Variants in DOCK1 observed in about 807,000 individuals in gnomAD.
DOCK1 encodes dedicator of cytokinesis protein 1.
In DOCK1, 138 loss-of-function variants were observed where a neutral mutation model predicts 262.7. That is an observed-to-expected ratio of 0.53 (90% CI 0.46 to 0.61). The LOEUF is 0.61. Ranked by LOEUF, DOCK1 falls within the 20% of genes least tolerant of loss-of-function variation. The pLI, the probability that DOCK1 is intolerant of heterozygous loss-of-function variation, is 0.00. For missense variants in DOCK1, 1,908 were observed against 2,370.7 expected (o/e 0.80, Z 4.05); for synonymous variants, 866 against 867.4 (o/e 1.00, Z 0.03).
At chr10:127,267,654 A>T (rs1034471726) in intron 29 of DOCK1, among the ~76,000 whole-genome samples, 3 of 152,226 alleles carry the variant, frequency 2.0e-5, no homozygotes, top group African/African-American at 7.2e-5. Context: ...GCTGGTACTG[A>T]TGCCGCATCC....
chr10:127,430,240 C>T (rs1314822710), intron 47 of DOCK1, among the ~76,000 whole-genome samples: 1 of 152,204 alleles, frequency 6.6e-6, no homozygotes, highest in Non-Finnish European at 1.5e-5. Context: ...TCCAGGATTT[C>T]TCCTCTCTCG....
At chr10:127,158,285 AAAAACTT>A (rs1389175216) in intron 27 of DOCK1, among the ~76,000 whole-genome samples, 32 of 152,224 alleles carry the variant, frequency 2.1e-4, no homozygotes, top group African/African-American at 7.7e-4. Flanking sequence ...AGAACAACCT[AAAAACTT>A]TAAACTGCTA....
chr10:127,409,405 T>C lies in DOCK1; in HGVS notation c.4343+14T>C. The C allele has an allele frequency of 3.1e-6, 5 of 1,613,570 alleles. No homozygotes were observed. Among genetic ancestry groups the C allele is most frequent in the Non-Finnish European group, 1.7e-6 (2 of 1,179,508 alleles). The stretch of plus-strand genomic sequence containing the variant: ...GCAGATTGTAAGGTAATAATCCCAT[T>C]TTTCTTACCCAACGTGAGGGTTGTA... On this transcript the variant is annotated intron_variant, in intron 42 of 51. Transcript: ENST00000623213.
intron 1 of DOCK1, among the ~76,000 whole-genome samples, chr10:126,948,074 TG>T: frequency 7.9e-6 from 1 of 126,092 alleles, no homozygotes; most frequent in African/African-American, 3.1e-5. Flanking sequence ...GTATTACTGT[TG>T]GTGGTGATGG....
chr10:127,248,113 A>G lies in DOCK1; in HGVS notation c.2949+4A>G, dbSNP rs1291835187. ...GAAAATGAGGACTGATGTGGTAGTA[A>G]GTGTCCCTTTCACCCTGTTCACATA... On this transcript the variant is annotated splice_donor_region_variant and intron_variant, in intron 28 of 51. Transcript: ENST00000623213. 6.2e-7 allele frequency: 1 copy of G among 1,613,116 alleles called. No homozygotes were observed. The highest frequency in any genetic ancestry group is 1.3e-5 in the African/African-American group (1 of 75,054).
intron 12 of DOCK1, among the ~76,000 whole-genome samples, chr10:127,015,744 C>A (rs545756241): frequency 2.6e-5 from 4 of 152,148 alleles, no homozygotes; most frequent in Admixed American, 6.5e-5. Flanking sequence ...TAGGATCATG[C>A]GGTGGCCTCC....
rs2042876572 is a variant in DOCK1, at chr10:127,026,506, C to A, written c.1624+82C>A. 6.4e-6 allele frequency: 8 copies of A among 1,248,712 alleles called. No individual in the cohort carries two copies. In the East Asian group the frequency reaches 1.5e-4, roughly 24 times the overall value. The allele number at this position is 1,248,712 out of a possible 1,614,324, so 77.4% of individuals were successfully genotyped here. A position where few individuals can be genotyped will look rare whatever the true frequency, so the allele number is the denominator to read the frequency against. ...GCGCGAGAGGCCACTCTCAGTTGTT[C>A]TGGAACTCGCTATCATAACACAATA... On this transcript the variant is annotated intron_variant, in intron 16 of 51. Transcript: ENST00000623213.
intron 24 of DOCK1, 93 bp downstream of exon 24, chr10:127,106,394 C>A: frequency 7.4e-7 from 1 of 1,348,210 alleles, no homozygotes; most frequent in Non-Finnish European, 1.0e-6. Context: ...GGTTCTGCCT[C>A]ATGTCTCCAT....
intron 23 of DOCK1, among the ~76,000 whole-genome samples, chr10:127,072,463 G>T (rs1016596336): frequency 6.6e-6 from 1 of 152,192 alleles, no homozygotes; most frequent in Admixed American, 6.5e-5. Context: ...AATTATCATT[G>T]TGGATTGTAG....
At chr10:127,143,229 A>T (rs773797136) in intron 27 of DOCK1, among the ~76,000 whole-genome samples, 1 of 152,222 alleles carries the variant, frequency 6.6e-6, no homozygotes, top group Non-Finnish European at 1.5e-5. Flanking sequence ...AGTTAAAAGC[A>T]GGACAATCTG....
intron 11 of DOCK1, among the ~76,000 whole-genome samples, chr10:127,011,797 TA>T (rs202197591): frequency 6.6e-6 from 1 of 151,766 alleles, no homozygotes; most frequent in African/African-American, 2.4e-5. Context: ...TTTTTTTTTT[TA>T]AATCTTGATT....
At chr10:127,270,512 A>G (rs1232388802) in intron 29 of DOCK1, among the ~76,000 whole-genome samples, 4 of 152,176 alleles carry the variant, frequency 2.6e-5, no homozygotes, top group Non-Finnish European at 5.9e-5. Context: ...AGAAAATGCC[A>G]CATGGCTGAC....
Position 127,417,710 on chromosome 10 carries a change from G to A in DOCK1, c.4516-655G>A, listed in dbSNP as rs532295030. Among the ~76,000 whole-genome samples the A allele has an allele frequency of 2.2e-3, 331 of 152,202 alleles. 2 individuals carry two copies. Among genetic ancestry groups the A allele is most frequent in the African/African-American group, 7.6e-3 (316 of 41,530 alleles). ...CCTGCCTTAGCCTCCCGAGTAGCTG[G>A]GATTACAGGCATGCACCACCACACC... is the stretch of plus-strand genomic sequence containing the variant. On this transcript the variant is annotated intron_variant, in intron 44 of 51. Coordinates refer to ENST00000623213, the MANE Select transcript of DOCK1 (RefSeq NM_001290223.2).
chr10:127,261,211 A>G (rs143616328), intron 29 of DOCK1, among the ~76,000 whole-genome samples: 32 of 27,338 alleles, frequency 1.2e-3, no homozygotes, highest in East Asian at 1.6e-3. Flanking sequence ...GTGTACCTGC[A>G]TGTGTGTGCA....
chr10:127,031,070 T>C (rs1175439929), intron 16 of DOCK1, among the ~76,000 whole-genome samples: 1 of 152,186 alleles, frequency 6.6e-6, no homozygotes, highest in Non-Finnish European at 1.5e-5. Flanking sequence ...CAATTTCACA[T>C]TGGGGTCGTT....
chr10:126,972,468 C>T lies in DOCK1; in HGVS notation c.130+1683C>T, dbSNP rs529839574. ...TTATTGTTGTCGGCTTAATTTCCTG[C>T]TTGAAAGGGTGGTTCCCATATAGCA... On this transcript the variant is annotated intron_variant, in intron 2 of 51. Coordinates refer to ENST00000623213, the MANE Select transcript of DOCK1 (RefSeq NM_001290223.2). Among the ~76,000 whole-genome samples, 154 of 152,150 alleles carry T rather than the reference C, an allele frequency of 1.0e-3. 1 individual carries two copies. Among genetic ancestry groups the T allele is most frequent in the Admixed American group, 2.9e-3 (44 of 15,294 alleles).
intron 6 of DOCK1, 54 bp downstream of exon 6, chr10:126,990,657 C>T: frequency 1.9e-6 from 3 of 1,572,706 alleles, no homozygotes; most frequent in South Asian, 2.4e-5. Flanking sequence ...GTAATAACAT[C>T]ACTATAAGTC....
intron 51 of DOCK1, among the ~76,000 whole-genome samples, chr10:127,450,239 A>G (rs2070866560): frequency 6.6e-6 from 1 of 152,150 alleles, no homozygotes; most frequent in Admixed American, 6.5e-5. Flanking sequence ...CTAGTCTGTG[A>G]ATCAGGAGGA....
chr10:126,930,427 C>T (rs895444102), intron 1 of DOCK1, among the ~76,000 whole-genome samples: 8 of 152,244 alleles, frequency 5.3e-5, no homozygotes, highest in African/African-American at 7.2e-5. Context: ...GCCTGCACTA[C>T]GTGCTTCACT....
Sources: gnomAD v4.1 joint callset for allele counts (sites outside exome capture counted in the v4.1 genomes callset) on GRCh38, gnomAD v4.1.1 for gene constraint, MANE v1.5 for transcripts, NCBI Gene and HGNC (gene_info 2026-07-23, HGNC 2026-07-21) for gene names.